The following C19orf47 variants were observed in gnomAD, a reference collection of about 807,000 sequenced individuals.
The protein encoded by C19orf47 is chromosome 19 open reading frame 47, also known as uncharacterized protein C19orf47.
C19orf47 carries 18 observed loss-of-function variants against 32.3 expected under a neutral mutation model. The ratio of observed to expected loss-of-function variants is 0.56; its 90% CI spans 0.39 to 0.83. The LOEUF is 0.83. Among genes scored for constraint, C19orf47 ranks in the 40% least tolerant of loss-of-function variants. The probability of loss-of-function intolerance (pLI) is 0.00; values close to 1 mark genes in which losing one functional copy is unlikely to be tolerated. For synonymous variants in C19orf47, 202 were observed against 211.1 expected, an observed-to-expected ratio of 0.96 and a Z score of 0.37; for missense variants, 484 against 531.6, an observed-to-expected ratio of 0.91 and a Z score of 0.88.
chr19:40,304,169 T>C, the C19orf47 span, among the ~76,000 whole-genome samples: 1 of 152,172 alleles, frequency 6.6e-6, no homozygotes, highest in Non-Finnish European at 1.5e-5. Context: ...GATTTTTCTG[T>C]CATCCACCAC....
downstream of C19orf47, among the ~76,000 whole-genome samples, chr19:40,315,797 T>A (rs2077658327): frequency 6.7e-6 from 1 of 149,774 alleles, no homozygotes; most frequent in South Asian, 2.1e-4. Context: ...AAAAAAAATT[T>A]AAATTAAAAA....
At position 40,322,381 on chromosome 19, in the gene C19orf47, G is replaced by A. The variant is rs199704937; in HGVS notation, c.664-5C>T. ...GCGGCTGAAGACTCCTGTGGGCTGT[G>A]GAGGTCAGAGACAGGATGAATGAGT... On this transcript the variant is annotated splice_polypyrimidine_tract_variant and splice_region_variant and intron_variant, in intron 8 of 8. Transcript: ENST00000683109. 42 of 1,567,496 alleles carry A rather than the reference G, an allele frequency of 2.7e-5. No homozygotes were observed. Among genetic ancestry groups the A allele is most frequent in the Non-Finnish European group, 3.3e-5 (38 of 1,154,416 alleles).
chr19:40,304,534 C>A, the C19orf47 span, among the ~76,000 whole-genome samples: 1 of 152,148 alleles, frequency 6.6e-6, no homozygotes, highest in African/African-American at 2.4e-5. Flanking sequence ...CATAACAAGA[C>A]AACTTTTATT....
In C19orf47 at chr19:40,321,902, G is replaced by A; in HGVS notation, c.1138C>T (p.Leu380=). 6.2e-7 allele frequency: 1 copy of A among 1,605,400 alleles called. No individual in the cohort carries two copies. Among genetic ancestry groups the A allele is most frequent in the Non-Finnish European group, 8.5e-7 (1 of 1,176,112 alleles). ...GTGGGCTAGAAGGTCCTGCGGCCCA[G>A]TCTTTTGAACACGCTCACAGTGCCC... ...HAGTVSVFKR[L]GRRTF Residue 380 remains leucine (L), a synonymous_variant, in exon 9 of 9, where the codon CTG becomes TTG. Coordinates refer to ENST00000683109, the MANE Select transcript of C19orf47 (RefSeq NM_001256441.2).
rs45497695 is a variant in C19orf47 at position 40,321,057 on chromosome 19, A to T, written c.*825T>A. 0.12 allele frequency: 23,158 copies of T among 190,124 alleles called. 2,439 individuals are homozygous for T. The highest frequency in any genetic ancestry group is 0.31 in the African/African-American group (12,878 of 42,100). 11.8% of individuals were successfully genotyped at this position (190,124 alleles called of 1,614,324 possible). On this transcript the variant is annotated 3_prime_UTR_variant, in exon 9 of 9. Coordinates refer to ENST00000683109, the MANE Select transcript of C19orf47 (RefSeq NM_001256441.2). ...GCAACTCACCCTGAAGGAGTGGGGG[A>T]AATGATTTGAAAGTCACAAAAATAT...
At chr19:40,337,440 G>C (rs564680645) in intron 2 of C19orf47, among the ~76,000 whole-genome samples, 6 of 151,518 alleles carry the variant, frequency 4.0e-5, no homozygotes, top group Non-Finnish European at 7.4e-5. Context: ...CCCTCAAACT[G>C]ACCCCAACCT....
chr19:40,337,800 G>A (rs1255985365), intron 2 of C19orf47, among the ~76,000 whole-genome samples: 4 of 152,092 alleles, frequency 2.6e-5, no homozygotes, highest in African/African-American at 4.8e-5. Flanking sequence ...GTGCTGACTG[G>A]CCCTTGGGGA....
At chr19:40,331,605 T>C (rs1205024021) in intron 5 of C19orf47, among the ~76,000 whole-genome samples, 3 of 144,274 alleles carry the variant, frequency 2.1e-5, no homozygotes. Context: ...ACCACTACAC[T>C]CCAGCCTGGG....
chr19:40,312,783 G>A, the C19orf47 span, among the ~76,000 whole-genome samples: 18,540 of 152,046 alleles, frequency 0.12, 1,728 homozygotes, highest in African/African-American at 0.26. Context: ...TCACATGAGC[G>A]CCCCCAAGTG....
the C19orf47 span, among the ~76,000 whole-genome samples, chr19:40,295,778 G>A: frequency 1.4e-4 from 21 of 150,850 alleles, no homozygotes; most frequent in Non-Finnish European, 2.1e-4. Flanking sequence ...ACAGGGTCTC[G>A]CTCTGTCACC....
At chr19:40,341,191 G>T (rs1313455829) in intron 2 of C19orf47, among the ~76,000 whole-genome samples, 1 of 151,672 alleles carries the variant, frequency 6.6e-6, no homozygotes, top group African/African-American at 2.4e-5. Flanking sequence ...AAAATTAGCT[G>T]GGCGTGGTGG....
At chr19:40,306,784 C>T in the C19orf47 span, among the ~76,000 whole-genome samples, 1 of 118,916 alleles carries the variant, frequency 8.4e-6, no homozygotes, top group Admixed American at 1.1e-4. Flanking sequence ...GTAAGAATGT[C>T]ATTAAAATTT....
At chr19:40,325,813 C>T (rs879792660) in intron 7 of C19orf47, among the ~76,000 whole-genome samples, 1 of 152,154 alleles carries the variant, frequency 6.6e-6, no homozygotes, top group Non-Finnish European at 1.5e-5. Flanking sequence ...TGGGCCACCG[C>T]GCCCAGCCTT....
intron 1 of C19orf47, among the ~76,000 whole-genome samples, chr19:40,348,035 G>C (rs1273521122): frequency 1.3e-5 from 2 of 152,184 alleles, no homozygotes; most frequent in South Asian, 2.1e-4. Flanking sequence ...CATACTAAGC[G>C]CTCAAACATC....
chr19:40,334,027 A>G (rs1568617271), intron 4 of C19orf47, 98 bp from the exon 5 acceptor site: 2 of 850,952 alleles, frequency 2.4e-6, no homozygotes, highest in East Asian at 5.8e-5. Context: ...TGACTGCTAG[A>G]GAAGATTCTA....
At chr19:40,345,723 T>C (rs1395622563) in intron 1 of C19orf47, among the ~76,000 whole-genome samples, 1 of 141,198 alleles carries the variant, frequency 7.1e-6, no homozygotes, top group Admixed American at 7.3e-5. Context: ...ATGCCTGTAA[T>C]CCAAGCTACT....
chr19:40,324,034 G>T lies in C19orf47; in HGVS notation c.635C>A (p.Thr212Asn). The change falls in exon 8 of 9, where the codon ACC becomes AAC. Residue 212 changes from threonine (T) to asparagine (N), a missense_variant. Coordinates refer to ENST00000683109, the MANE Select transcript of C19orf47 (RefSeq NM_001256441.2). ...ACTCCCTGTCGTGGTGTCTGCCTTGGTCTCGGCGCCGAGGCGGTCAAACAC... is the reference window on the plus strand; with the variant it reads ...ACTCCCTGTCGTGGTGTCTGCCTTGTTCTCGGCGCCGAGGCGGTCAAACAC... ...TSVFDRLGAE[T>N]KADTTTGSKP... 6.2e-7 allele frequency: 1 copy of T among 1,614,236 alleles called. No individual in the cohort carries two copies. The highest frequency in any genetic ancestry group is 8.5e-7 in the Non-Finnish European group (1 of 1,180,036).
the C19orf47 span, among the ~76,000 whole-genome samples, chr19:40,312,026 T>C: frequency 6.6e-6 from 1 of 152,238 alleles, no homozygotes; most frequent in Non-Finnish European, 1.5e-5. Flanking sequence ...TCATTTTCAT[T>C]GATGTACACT....
the C19orf47 span, among the ~76,000 whole-genome samples, chr19:40,310,265 G>A: frequency 1.3e-5 from 2 of 151,692 alleles, no homozygotes; most frequent in African/African-American, 4.8e-5. Flanking sequence ...GGCCAGCCAC[G>A]GTGGCTCACA....
Sources: gnomAD v4.1 joint callset for allele counts (sites outside exome capture counted in the v4.1 genomes callset) on GRCh38, gnomAD v4.1.1 for gene constraint, MANE v1.5 for transcripts, NCBI Gene and HGNC (gene_info 2026-07-23, HGNC 2026-07-21) for gene names.